UBXN8: variants seen among roughly 807,000 people sequenced by gnomAD.
UBXN8 encodes the protein UBX domain-containing protein 8.
A neutral mutation model predicts 32.1 loss-of-function variants in UBXN8; 27 were observed. That is an observed-to-expected ratio of 0.84 (90% CI 0.62 to 1.16). The LOEUF is 1.16. UBXN8 is among the 50% of genes most tolerant of loss of function. The pLI, the probability that UBXN8 is intolerant of heterozygous loss-of-function variation, is 0.00. For missense variants in UBXN8, 306 were observed against 311.4 expected (o/e 0.98, Z 0.13); for synonymous variants, 109 against 111.8 (o/e 0.98, Z 0.16).
At chr8:30,746,949 AATCGAGACC>A (rs141985546) in intron 1 of UBXN8, among the ~76,000 whole-genome samples, 6,002 of 140,224 alleles carry the variant, frequency 0.043, 1,338 homozygotes, top group African/African-American at 0.16. Flanking sequence ...GAGGTCAAGT[AATCGAGACC>A]ATCCTGGCCA....
At chr8:30,737,208 T>A (rs992480557) in intron 1 of UBXN8, among the ~76,000 whole-genome samples, 1 of 152,056 alleles carries the variant, frequency 6.6e-6, no homozygotes, top group Non-Finnish European at 1.5e-5. Flanking sequence ...TTGATTGATT[T>A]TTTTTTCTCC....
intron 6 of UBXN8, 35 bp downstream of exon 6, chr8:30,760,964 T>C: frequency 2.1e-6 from 3 of 1,408,382 alleles, no homozygotes; most frequent in South Asian, 1.3e-5. Flanking sequence ...ATTAAACTTA[T>C]TTTCTATTTT....
upstream of UBXN8, among the ~76,000 whole-genome samples, chr8:30,739,711 AT>A (rs1457203337): frequency 3.3e-5 from 5 of 152,204 alleles, no homozygotes; most frequent in African/African-American, 1.2e-4. Context: ...TAAAGGATTT[AT>A]GCAATCTCCG....
At chr8:30,762,200 A>G (rs567395486) in intron 6 of UBXN8, among the ~76,000 whole-genome samples, 1 of 151,688 alleles carries the variant, frequency 6.6e-6, no homozygotes, top group Non-Finnish European at 1.5e-5. Context: ...AGTAACTAGG[A>G]CTGCAGGCAT....
rs190572261 is a variant in UBXN8, at chr8:30,755,057, G to A, written c.405+270G>A. ...TGCAAGCTCCGCCTCCCAGGTTCAT[G>A]CCATTCTCCTGCCTCAGCCTCCCGA... On this transcript the variant is annotated intron_variant, in intron 4 of 7. Transcript: ENST00000265616. Among the ~76,000 whole-genome samples the A allele has an allele frequency of 1.6e-3, 239 of 149,406 alleles. 9 individuals carry two copies. The East Asian group carries it at 0.034, about 21-fold the overall frequency.
At chr8:30,752,426 G>A (rs1805541972) in intron 2 of UBXN8, among the ~76,000 whole-genome samples, 1 of 152,138 alleles carries the variant, frequency 6.6e-6, no homozygotes, top group South Asian at 2.1e-4. Context: ...TCTCGCCTCA[G>A]CTTCCCGAGT....
rs139460034 is a variant in UBXN8 at position 30,738,285 on chromosome 8, G to A, written c.622+4977G>A. On this transcript the variant is annotated intron_variant, in intron 1 of 1. Coordinates refer to the UBXN8 transcript ENST00000522968. ...TGTAGTGCCAGCTACTCAGGGGGCT[G>A]AGGCAGGATTGCTTGAGCCTAGGAG... Among the ~76,000 whole-genome samples the A allele has an allele frequency of 1.5e-3, 233 of 152,054 alleles. 1 individual carries two copies. The highest frequency in any genetic ancestry group is 5.3e-3 in the African/African-American group (219 of 41,490).
intron 4 of UBXN8, among the ~76,000 whole-genome samples, chr8:30,755,760 G>GAAAAAAAAAAAAAAAAAA (rs34287599): frequency 1.1e-5 from 1 of 88,920 alleles, no homozygotes; most frequent in Non-Finnish European, 1.9e-5. Context: ...CCTTTCTCCA[G>GAAAAAAAAAAAAAAAAAA]AAAAAAAAAA....
At chr8:30,751,315 A>G in intron 1 of UBXN8, 81 bp from the exon 2 acceptor site, 1 of 1,220,918 alleles carries the variant, frequency 8.2e-7, no homozygotes, top group Non-Finnish European at 1.1e-6. Flanking sequence ...GGAGTTCGAG[A>G]CCAGCCTAGT....
At chr8:30,757,019 A>G (rs557292831) in intron 5 of UBXN8, 132 bp downstream of exon 5, 1 of 1,363,586 alleles carries the variant, frequency 7.3e-7, no homozygotes, top group Non-Finnish European at 9.8e-7. Context: ...ACTGCCTTAC[A>G]AAGCAATCAC....
intron 1 of UBXN8, among the ~76,000 whole-genome samples, chr8:30,747,307 G>GTTTTTTT (rs59568820): frequency 7.3e-5 from 6 of 81,730 alleles, no homozygotes; most frequent in African/African-American, 1.1e-4. Context: ...CCTCAGTGGT[G>GTTTTTTT]TTTTTTTTTT....
intron 5 of UBXN8, among the ~76,000 whole-genome samples, chr8:30,757,126 C>T (rs1563563748): frequency 6.6e-6 from 1 of 151,600 alleles, no homozygotes; most frequent in South Asian, 2.1e-4. Context: ...TGAGACCAGC[C>T]TGGCCAACAT....
chr8:30,735,851 C>T (rs144112403), intron 1 of UBXN8, among the ~76,000 whole-genome samples: 2,363 of 152,060 alleles, frequency 0.016, 31 homozygotes, highest in South Asian at 0.023. Flanking sequence ...AACAAATAAA[C>T]AAAAAAGTCC....
At chr8:30,751,296 G>T in intron 1 of UBXN8, 100 bp from the exon 2 acceptor site, 3 of 990,090 alleles carry the variant, frequency 3.0e-6, no homozygotes, top group South Asian at 1.8e-5. Flanking sequence ...GGAGGATCAC[G>T]TGAGCTCAGG....
upstream of UBXN8, among the ~76,000 whole-genome samples, chr8:30,731,579 C>T (rs1485383637): frequency 1.3e-5 from 2 of 152,060 alleles, no homozygotes; most frequent in Non-Finnish European, 2.9e-5. Flanking sequence ...CATTATGACC[C>T]TTACGGTCCC....
At chr8:30,763,415 G>T in intron 7 of UBXN8, 68 bp downstream of exon 7, 3 of 1,421,074 alleles carry the variant, frequency 2.1e-6, no homozygotes, top group Non-Finnish European at 3.0e-6. Context: ...TTCACATGCC[G>T]TGGGGGAAGG....
upstream of UBXN8, among the ~76,000 whole-genome samples, chr8:30,730,754 T>G (rs1174924479): frequency 6.6e-6 from 1 of 152,190 alleles, no homozygotes; most frequent in African/African-American, 2.4e-5. Context: ...TATACTCCCT[T>G]TGATCCCGAT....
intron 4 of UBXN8, among the ~76,000 whole-genome samples, chr8:30,755,509 T>G (rs1022000318): frequency 1.3e-5 from 2 of 152,014 alleles, no homozygotes; most frequent in Non-Finnish European, 1.5e-5. Context: ...TCCCAGCAAT[T>G]TGGAAGGATG....
In UBXN8 at chr8:30,766,599, C is replaced by A; in HGVS notation, c.*205C>A. ...TGGACTGTGCCATTTTACAGTGTAC[C>A]AAATGAGAATGAGGTTGAAATGTAT... On this transcript the variant is annotated 3_prime_UTR_variant, in exon 8 of 8. Transcript: ENST00000265616. 2.8e-6 allele frequency: 1 copy of A among 362,200 alleles called. No homozygotes were observed. Among genetic ancestry groups the A allele is most frequent in the Admixed American group, 4.3e-5 (1 of 23,198 alleles). The allele number at this position is 362,200 out of a possible 1,614,324, so 22.4% of individuals were successfully genotyped here.
Sources: gnomAD v4.1 joint callset for allele counts (sites outside exome capture counted in the v4.1 genomes callset) on GRCh38, gnomAD v4.1.1 for gene constraint, MANE v1.5 for transcripts, NCBI Gene and HGNC (gene_info 2026-07-23, HGNC 2026-07-21) for gene names.